SVIL: variants seen among roughly 807,000 people sequenced by gnomAD.
SVIL encodes supervillin.
SVIL carries 101 observed loss-of-function variants against 240.4 expected under a neutral mutation model. That is an observed-to-expected ratio of 0.42 (90% CI 0.36 to 0.50). The LOEUF (loss-of-function observed/expected upper bound fraction) is 0.50. Ranked by LOEUF, SVIL falls within the 20% of genes least tolerant of loss-of-function variation. SVIL has a pLI of 0.01. For missense variants in SVIL, 2,512 were observed against 2,818.7 expected (o/e 0.89, Z 2.46); for synonymous variants, 999 against 1,100.0 (o/e 0.91, Z 1.82).
At chr10:29,697,448 G>T (rs1185567528) in intron 1 of SVIL, among the ~76,000 whole-genome samples, 1 of 74,340 alleles carries the variant, frequency 1.3e-5, no homozygotes, top group Non-Finnish European at 2.5e-5. Context: ...AGACATGGGA[G>T]ACTTTTCATT....
At chr10:29,470,150 G>T in intron 32 of SVIL, 126 bp downstream of exon 32, 1 of 1,099,284 alleles carries the variant, frequency 9.1e-7, no homozygotes, top group South Asian at 1.4e-5. Context: ...CACGTTCCCA[G>T]CCATCCTTTG....
At chr10:29,638,344 T>C (rs1182651089), upstream of SVIL, among the ~76,000 whole-genome samples, 6 of 151,808 alleles carry the variant, frequency 4.0e-5, no homozygotes, top group African/African-American at 1.5e-4. Context: ...CATGTGCCTG[T>C]AATCCCAGCT....
chr10:29,528,889 C>T, intron 12 of SVIL, among the ~76,000 whole-genome samples: 1 of 152,046 alleles, frequency 6.6e-6, no homozygotes, highest in East Asian at 1.9e-4. Context: ...AGTTATCAAA[C>T]TGCAATTTAA....
At chr10:29,722,111 A>G (rs1172840381) in intron 1 of SVIL, among the ~76,000 whole-genome samples, 2 of 151,828 alleles carry the variant, frequency 1.3e-5, no homozygotes, top group Non-Finnish European at 2.9e-5. Context: ...GGTGGTGCGC[A>G]TCTGTAATTC....
At chr10:29,529,145 C>T (rs1304583844) in intron 12 of SVIL, among the ~76,000 whole-genome samples, 1 of 130,986 alleles carries the variant, frequency 7.6e-6, no homozygotes, top group Non-Finnish European at 1.5e-5. Context: ...CACTGCACTC[C>T]GTTCTGGGTG....
intron 1 of SVIL, among the ~76,000 whole-genome samples, chr10:29,627,591 A>C (rs1453237131): frequency 6.6e-6 from 1 of 152,112 alleles, no homozygotes; most frequent in Non-Finnish European, 1.5e-5. Context: ...CCCCTACATC[A>C]CTTTGCTCTG....
intron 16 of SVIL, among the ~76,000 whole-genome samples, 174 bp from the exon 17 acceptor site, chr10:29,513,035 T>C (rs1381591535): frequency 6.6e-6 from 1 of 152,206 alleles, no homozygotes; most frequent in African/African-American, 2.4e-5. Context: ...AATAATAAAG[T>C]CCCTTTTCTA....
chr10:29,507,620 C>CA (rs1554827187), intron 17 of SVIL: 56 of 284,812 alleles, frequency 2.0e-4, no homozygotes, highest in African/African-American at 1.2e-3. Flanking sequence ...CACACACACA[C>CA]ACCTCTCTTT....
intron 1 of SVIL, among the ~76,000 whole-genome samples, chr10:29,695,446 T>C (rs1490548081): frequency 6.6e-6 from 1 of 152,130 alleles, no homozygotes; most frequent in Non-Finnish European, 1.5e-5. Context: ...GTTGAAATTT[T>C]AAAAAATTTA....
chr10:29,592,106 G>C (rs1246910464), intron 1 of SVIL, among the ~76,000 whole-genome samples: 1 of 152,144 alleles, frequency 6.6e-6, no homozygotes, highest in Non-Finnish European at 1.5e-5. Flanking sequence ...CAAACAATTA[G>C]CCAGGAATGG....
At chr10:29,487,341 G>A (rs1403198271) in intron 23 of SVIL, 42 bp from the exon 24 acceptor site, 13 of 1,611,794 alleles carry the variant, frequency 8.1e-6, no homozygotes, top group South Asian at 3.3e-5. Flanking sequence ...CAGACAGAAC[G>A]GGGATAGGAC....
chr10:29,549,570 C>G (rs1953034787), intron 6 of SVIL, among the ~76,000 whole-genome samples: 1 of 146,934 alleles, frequency 6.8e-6, no homozygotes, highest in Non-Finnish European at 1.5e-5. Context: ...GACACATGCA[C>G]ACGTATGTTT....
At chr10:29,584,654 G>A (rs1053994280) in intron 1 of SVIL, among the ~76,000 whole-genome samples, 6 of 152,042 alleles carry the variant, frequency 3.9e-5, no homozygotes, top group African/African-American at 1.4e-4. Flanking sequence ...TCTCCTCTTC[G>A]GCCTCTTTAA....
intron 2 of SVIL, among the ~76,000 whole-genome samples, chr10:29,678,577 C>A (rs556521964): frequency 6.6e-6 from 1 of 152,146 alleles, no homozygotes; most frequent in Non-Finnish European, 1.5e-5. Context: ...GGTTGGGGAC[C>A]CTGCTCTAGA....
At chr10:29,468,655 CAT>C (rs756435369) in intron 32 of SVIL, among the ~76,000 whole-genome samples, 137 of 150,736 alleles carry the variant, frequency 9.1e-4, no homozygotes, top group Non-Finnish European at 1.4e-3. Context: ...TATACATGTA[CAT>C]ATATATATGG....
chr10:29,546,062 G>C (rs1304784141), intron 6 of SVIL, among the ~76,000 whole-genome samples: 1 of 152,040 alleles, frequency 6.6e-6, no homozygotes, highest in Non-Finnish European at 1.5e-5. Context: ...TCTTTATATA[G>C]ATACGTGAGA....
intron 3 of SVIL, among the ~76,000 whole-genome samples, chr10:29,654,701 G>C (rs966829958): frequency 2.0e-5 from 3 of 152,136 alleles, no homozygotes; most frequent in African/African-American, 7.2e-5. Flanking sequence ...CCTCAAGTTG[G>C]ACAACCAGGA....
chr10:29,679,008 C>T (rs1426250197), intron 2 of SVIL, among the ~76,000 whole-genome samples: 2 of 152,192 alleles, frequency 1.3e-5, no homozygotes, highest in African/African-American at 4.8e-5. Context: ...GAGTTCGAGA[C>T]CAGCCTGGCC....
chr10:29,674,579 TA>T (rs1403202228), intron 2 of SVIL, among the ~76,000 whole-genome samples: 1 of 152,216 alleles, frequency 6.6e-6, no homozygotes, highest in Non-Finnish European at 1.5e-5. Flanking sequence ...CACAAATAAA[TA>T]AGAATGTCTC....
Sources: gnomAD v4.1 joint callset for allele counts (sites outside exome capture counted in the v4.1 genomes callset) on GRCh38, gnomAD v4.1.1 for gene constraint, MANE v1.5 for transcripts, NCBI Gene and HGNC (gene_info 2026-07-23, HGNC 2026-07-21) for gene names.